The following PCCB variants were observed in gnomAD, a reference collection of about 807,000 sequenced individuals.
The protein encoded by PCCB is propionyl-CoA carboxylase subunit beta, also known as propionyl-CoA carboxylase beta chain, mitochondrial.
In PCCB, 43 loss-of-function variants were observed where a neutral mutation model predicts 60.7. The observed-to-expected ratio is 0.71, with a 90% CI of 0.55 to 0.91. PCCB has a LOEUF of 0.91. Among genes scored for constraint, PCCB ranks in the 40% least tolerant of loss-of-function variants. PCCB has a pLI of 0.00. For missense variants in PCCB, 766 were observed against 702.8 expected (o/e 1.09, Z -1.02); for synonymous variants, 276 against 255.9 (o/e 1.08, Z -0.75).
At position 136,316,903 on chromosome 3, in the gene PCCB, T is replaced by C. The variant is rs1934916750; in HGVS notation, c.967-38T>C. ...GTGTCATTACATCTTATACTTGTCT[T>C]TACCATTTTGAGCTCAGAAGTAAAT... On this transcript the variant is annotated intron_variant, in intron 9 of 14. Transcript: ENST00000251654. The C allele has an allele frequency of 1.9e-6, 3 of 1,611,866 alleles. No homozygotes were observed. The South Asian group carries it at 3.3e-5, about 18-fold the overall frequency.
In PCCB at chr3:136,255,937, A is replaced by G. The variant is rs1941661930; in HGVS notation, c.265A>G (p.Arg89Gly). The G allele has an allele frequency of 3.1e-6, 5 of 1,614,166 alleles. No homozygotes were observed. Among genetic ancestry groups the G allele is most frequent in the Non-Finnish European group, 4.2e-6 (5 of 1,179,958 alleles). Residue 89 changes from arginine (R) to glycine (G), a missense_variant, in exon 2 of 15, where the codon AGA becomes GGA. Physicochemically the swap from Arg to Gly is moderately radical, Grantham distance 125. Coordinates refer to ENST00000251654, the MANE Select transcript of PCCB (RefSeq NM_000532.5). ...TGAGAGCGACATGTTTGTGGAACAC[A>G]GATGTGCAGATTTTGGAATGGCTGC... ...FVESDMFVEH[R>G]CADFGMAADK...
At position 136,327,659 on chromosome 3, in the gene PCCB, T is replaced by C. The variant is rs1935373960; in HGVS notation, c.1325T>C (p.Met442Thr). 2 of 1,613,522 alleles carry C rather than the reference T, an allele frequency of 1.2e-6. No individual in the cohort carries two copies. Among genetic ancestry groups the C allele is most frequent in the African/African-American group, 2.7e-5 (2 of 74,906 alleles). ...RKAYGGAYDV[M>T]SSKHLCGDTN... is the part of the protein sequence containing the mutation. ...GCCTATGGAGGTGCCTATGATGTCA[T>C]GAGCTCTAAGCACCTTTGTGGTGAT... Residue 442 changes from methionine to threonine, a missense_variant, in exon 13 of 15, where the codon ATG becomes ACG. Physicochemically the swap from Met to Thr is moderately conservative, Grantham distance 81. Coordinates refer to ENST00000251654, the MANE Select transcript of PCCB (RefSeq NM_000532.5).
chr3:136,278,844 C>A (rs370358490), intron 5 of PCCB, among the ~76,000 whole-genome samples: 1 of 152,048 alleles, frequency 6.6e-6, no homozygotes, highest in African/African-American at 2.4e-5. Flanking sequence ...GTTAACTTAC[C>A]GATCTTCTGT....
chr3:136,330,161 A>G lies in PCCB; in HGVS notation c.*135A>G. On this transcript the variant is annotated 3_prime_UTR_variant, in exon 15 of 15. Coordinates refer to ENST00000251654, the MANE Select transcript of PCCB (RefSeq NM_000532.5). ...AGAATAACTAAGTTTATTAAATTCT[A>G]GAAAGATCTCTTTTGTGCCTTACTG... The G allele has an allele frequency of 6.6e-7, 1 of 1,524,722 alleles. No individual in the cohort carries two copies. Among genetic ancestry groups the G allele is most frequent in the Non-Finnish European group, 8.9e-7 (1 of 1,125,158 alleles). The allele number at this position is 1,524,722 out of a possible 1,614,324, so 94.4% of individuals were successfully genotyped here.
intron 9 of PCCB, among the ~76,000 whole-genome samples, chr3:136,310,038 C>T (rs930709632): frequency 1.3e-5 from 2 of 152,036 alleles, no homozygotes; most frequent in Non-Finnish European, 2.9e-5. Context: ...TTGAGACCAG[C>T]CTGGGCAACA....
intron 8 of PCCB, among the ~76,000 whole-genome samples, chr3:136,299,853 T>C (rs986779047): frequency 8.6e-5 from 13 of 151,720 alleles, no homozygotes; most frequent in South Asian, 2.1e-4. Flanking sequence ...TGTATATGCA[T>C]GCATATGTAT....
intron 6 of PCCB, among the ~76,000 whole-genome samples, chr3:136,291,770 G>A (rs955410688): frequency 6.6e-6 from 1 of 152,170 alleles, no homozygotes; most frequent in Non-Finnish European, 1.5e-5. Context: ...TGATGCTCTC[G>A]TGCGTTTCAG....
rs774302747 is a variant in PCCB at position 136,327,073 on chromosome 3, G to A, written c.1199-82G>A. 1.6e-5 allele frequency: 22 copies of A among 1,355,228 alleles called. No homozygotes were observed. The African/African-American group carries it at 2.9e-4, about 18-fold the overall frequency. The allele number at this position is 1,355,228 out of a possible 1,614,324, so 84.0% of individuals were successfully genotyped here. ...GTGTAAGGAATGGCCCTCTCCAGAG[G>A]TGGGAAAGACCTCACAGCTGAGAGT... On this transcript the variant is annotated intron_variant, in intron 11 of 14. Transcript: ENST00000251654.
intron 5 of PCCB, among the ~76,000 whole-genome samples, chr3:136,275,308 A>G (rs1281223129): frequency 6.6e-6 from 1 of 151,822 alleles, no homozygotes; most frequent in Non-Finnish European, 1.5e-5. Flanking sequence ...ATCTATGTAG[A>G]AAATTTTTCC....
At position 136,279,768 on chromosome 3, in the gene PCCB, C is replaced by T. The variant is rs559488217; in HGVS notation, c.544-4069C>T. Among the ~76,000 whole-genome samples, 572 of 151,966 alleles carry T rather than the reference C, an allele frequency of 3.8e-3. 1 individual carries two copies. The highest frequency in any genetic ancestry group is 0.031 in the Middle Eastern group (9 of 294). On this transcript the variant is annotated intron_variant, in intron 5 of 14. Coordinates refer to ENST00000251654, the MANE Select transcript of PCCB (RefSeq NM_000532.5). ...CTGCAAGCTCCGCCTCCCAGGTTCA[C>T]GCCATTCTCCTGCCTCAGCCTCCCG...
At chr3:136,286,036 G>A (rs539775669) in intron 6 of PCCB, among the ~76,000 whole-genome samples, 2 of 152,304 alleles carry the variant, frequency 1.3e-5, no homozygotes, top group South Asian at 4.1e-4. Flanking sequence ...GTGTAATGAG[G>A]AGTTAGCCCT....
At chr3:136,318,416 A>G (rs1560029370) in intron 10 of PCCB, among the ~76,000 whole-genome samples, 1 of 152,206 alleles carries the variant, frequency 6.6e-6, no homozygotes, top group African/African-American at 2.4e-5. Context: ...TAAAATATAT[A>G]TAACAAAATA....
chr3:136,323,992 G>GTTTTTT (rs774958157), intron 10 of PCCB, among the ~76,000 whole-genome samples: 2 of 128,734 alleles, frequency 1.6e-5, no homozygotes, highest in African/African-American at 2.9e-5. Context: ...CCCAAGCTTT[G>GTTTTTT]TTTTTTTTTT....
intron 5 of PCCB, among the ~76,000 whole-genome samples, chr3:136,262,615 T>C (rs754897635): frequency 2.0e-5 from 3 of 152,166 alleles, no homozygotes; most frequent in Non-Finnish European, 4.4e-5. Context: ...TAAAATAATG[T>C]GTTATGTGAA....
In PCCB at chr3:136,261,641, C is replaced by G. The variant is rs539299146; in HGVS notation, c.430-311C>G. Reference sequence around the variant, plus strand: ...GTCAAAGCAGTACCTGGGAACAAAACTGGCTGCTGGAAGACGTTACAACGT... The same window carrying G: ...GTCAAAGCAGTACCTGGGAACAAAAGTGGCTGCTGGAAGACGTTACAACGT... On this transcript the variant is annotated intron_variant, in intron 4 of 14. Coordinates refer to ENST00000251654, the MANE Select transcript of PCCB (RefSeq NM_000532.5). Among the ~76,000 whole-genome samples, 6 of 152,322 alleles carry G rather than the reference C, an allele frequency of 3.9e-5. No homozygotes were observed. In the South Asian group the frequency reaches 1.0e-3, roughly 26 times the overall value.
intron 9 of PCCB, among the ~76,000 whole-genome samples, chr3:136,301,832 C>T (rs1466955531): frequency 6.6e-6 from 1 of 152,150 alleles, no homozygotes; most frequent in Admixed American, 6.5e-5. Context: ...GAGATGTAAC[C>T]TTAAGGTCTT....
chr3:136,308,357 C>A lies in PCCB; in HGVS notation c.966+7246C>A, dbSNP rs1245463422. Among the ~76,000 whole-genome samples the A allele has an allele frequency of 4.0e-5, 6 of 151,698 alleles. 1 individual carries two copies. In the South Asian group the frequency reaches 1.2e-3, roughly 32 times the overall value. ...CAAGTGATTCTCCTGCCTCAGCTTC[C>A]CAGGAAGGACATTTTCAACTGCTAA... On this transcript the variant is annotated intron_variant, in intron 9 of 14. Transcript: ENST00000251654.
At chr3:136,301,580 C>T (rs1223436468) in intron 9 of PCCB, among the ~76,000 whole-genome samples, 2 of 151,984 alleles carry the variant, frequency 1.3e-5, no homozygotes, top group East Asian at 1.9e-4. Flanking sequence ...TTTTTTGGTA[C>T]AGCAGATTCC....
chr3:136,327,974 A>G (rs1935393035), intron 13 of PCCB, among the ~76,000 whole-genome samples: 1 of 152,138 alleles, frequency 6.6e-6, no homozygotes. Context: ...TGGGTGCGGC[A>G]GGTGAAAGGA....
Sources: gnomAD v4.1 joint callset for allele counts (sites outside exome capture counted in the v4.1 genomes callset) on GRCh38, gnomAD v4.1.1 for gene constraint, MANE v1.5 for transcripts, NCBI Gene and HGNC (gene_info 2026-07-23, HGNC 2026-07-21) for gene names.